Variants in CAPZB observed in about 807,000 individuals in gnomAD.
CAPZB encodes the protein capping actin protein of muscle Z-line subunit beta, also known as F-actin-capping protein subunit beta.
A neutral mutation model predicts 38.1 loss-of-function variants in CAPZB; 2 were observed. That is an observed-to-expected ratio of 0.05 (90% CI 0.02 to 0.17). The LOEUF is 0.17. CAPZB is among the 10% of genes least tolerant of loss of function. The pLI, the probability that CAPZB is intolerant of heterozygous loss-of-function variation, is 1.00. For synonymous variants in CAPZB, 107 were observed against 127.4 expected, an observed-to-expected ratio of 0.84 and a Z score of 1.08; for missense variants, 161 against 334.2, an observed-to-expected ratio of 0.48 and a Z score of 4.04.
At chr1:19,465,055 A>C (rs377339918) in intron 1 of CAPZB, among the ~76,000 whole-genome samples, 2 of 152,206 alleles carry the variant, frequency 1.3e-5, no homozygotes, top group Non-Finnish European at 2.9e-5. Flanking sequence ...CCTGATTAAA[A>C]ACAAAAAAAA....
At chr1:19,374,138 A>C (rs2094133249) in intron 4 of CAPZB, 1 of 152,404 alleles carries the variant, frequency 6.6e-6, no homozygotes, top group African/African-American at 2.4e-5. Context: ...GGCATGAGCC[A>C]GCAGGGTACG....
intron 1 of CAPZB, among the ~76,000 whole-genome samples, chr1:19,453,960 A>C (rs1034120593): frequency 6.6e-6 from 1 of 152,070 alleles, no homozygotes; most frequent in Non-Finnish European, 1.5e-5. Context: ...GCCACTTGGG[A>C]CTCACGCCCA....
intron 1 of CAPZB, among the ~76,000 whole-genome samples, chr1:19,444,212 G>A (rs913250775): frequency 6.6e-6 from 1 of 152,116 alleles, no homozygotes; most frequent in African/African-American, 2.4e-5. Context: ...TTCAGCAGGA[G>A]TGTCTCCCAT....
intron 3 of CAPZB, among the ~76,000 whole-genome samples, chr1:19,382,405 C>T (rs763280514): frequency 1.3e-5 from 2 of 152,080 alleles, no homozygotes; most frequent in East Asian, 1.9e-4. Context: ...CATTTCCCTC[C>T]GAGAAGGCTT....
At chr1:19,362,804 C>T (rs1489947708) in intron 4 of CAPZB, among the ~76,000 whole-genome samples, 1 of 152,116 alleles carries the variant, frequency 6.6e-6, no homozygotes, top group East Asian at 1.9e-4. Flanking sequence ...ATGCTCAAAT[C>T]AGAGCTCCCC....
At chr1:19,393,108 T>C (rs1460788856) in intron 2 of CAPZB, among the ~76,000 whole-genome samples, 2 of 152,206 alleles carry the variant, frequency 1.3e-5, no homozygotes, top group African/African-American at 2.4e-5. Context: ...GGACCCCAGT[T>C]TGTCATTAGG....
In CAPZB at chr1:19,419,514, C is replaced by A. The variant is rs117139190; in HGVS notation, c.93+147G>T. The A allele has an allele frequency of 7.5e-4, 447 of 599,698 alleles. 4 individuals are homozygous for A. The East Asian group carries it at 0.012, about 16-fold the overall frequency. 37.1% of individuals were successfully genotyped at this position (599,698 alleles called of 1,614,324 possible). ...CCATATGAAATCCATCTTCTCTCTG[C>A]CTGGAGGAATCTCATAGTCCAGTGG... On this transcript the variant is annotated intron_variant, in intron 2 of 8. Coordinates refer to ENST00000264202, the MANE Select transcript of CAPZB (RefSeq NM_004930.5).
intron 1 of CAPZB, among the ~76,000 whole-genome samples, chr1:19,483,185 C>A (rs1230651902): frequency 6.6e-6 from 1 of 151,528 alleles, no homozygotes; most frequent in African/African-American, 2.4e-5. Context: ...TACAAAGGAT[C>A]TAAAATACAA....
intron 1 of CAPZB, among the ~76,000 whole-genome samples, chr1:19,444,348 A>G (rs1381520284): frequency 3.3e-5 from 5 of 151,998 alleles, no homozygotes; most frequent in Admixed American, 6.6e-5. Context: ...CCCAGCTGCC[A>G]CCTCCCCACC....
intron 4 of CAPZB, among the ~76,000 whole-genome samples, chr1:19,364,767 G>A (rs779180850): frequency 7.9e-5 from 12 of 152,086 alleles, no homozygotes; most frequent in Non-Finnish European, 1.3e-4. Flanking sequence ...GACCAAATTA[G>A]CTTTCATTAG....
intron 2 of CAPZB, among the ~76,000 whole-genome samples, chr1:19,417,293 T>C (rs907137205): frequency 1.3e-5 from 2 of 152,240 alleles, no homozygotes; most frequent in African/African-American, 4.8e-5. Context: ...TTGCTCATCA[T>C]TTCCTACTTC....
chr1:19,448,602 A>G (rs1028291412), intron 1 of CAPZB, among the ~76,000 whole-genome samples: 1 of 152,168 alleles, frequency 6.6e-6, no homozygotes, highest in Non-Finnish European at 1.5e-5. Flanking sequence ...TTCTTATTCA[A>G]CTGCAGATGA....
intron 1 of CAPZB, among the ~76,000 whole-genome samples, chr1:19,436,151 A>C (rs777192319): frequency 6.6e-6 from 1 of 152,226 alleles, no homozygotes; most frequent in Non-Finnish European, 1.5e-5. Flanking sequence ...TGGTCTGAAA[A>C]TACTAAGTGG....
intron 2 of CAPZB, among the ~76,000 whole-genome samples, chr1:19,401,309 A>G (rs1196446868): frequency 6.6e-6 from 1 of 152,192 alleles, no homozygotes; most frequent in Non-Finnish European, 1.5e-5. Flanking sequence ...CACAAACACA[A>G]AAGGGCAAAG....
At chr1:19,385,356 G>C (rs962278693) in intron 3 of CAPZB, 149 bp downstream of exon 3, 10 of 754,944 alleles carry the variant, frequency 1.3e-5, no homozygotes, top group Middle Eastern at 3.9e-4. Context: ...GACAAGAGAA[G>C]AAAGGAGAGG....
At position 19,391,350 on chromosome 1, in the gene CAPZB, C is replaced by T. The variant is rs189933631; in HGVS notation, c.94-5724G>A. ...CTTTAAGAAGTGCACCCTTGTACCT[C>T]GGTTTTTTAAAAAATGGCCAAATGA... On this transcript the variant is annotated intron_variant, in intron 2 of 8. Coordinates refer to ENST00000264202, the MANE Select transcript of CAPZB (RefSeq NM_004930.5). 6.0e-4 allele frequency among the ~76,000 whole-genome samples: 92 copies of T among 152,304 alleles called. 1 individual carries two copies. In the Middle Eastern group the frequency reaches 0.01, roughly 17 times the overall value.
chr1:19,347,389 G>C (rs778504263), intron 6 of CAPZB, among the ~76,000 whole-genome samples: 1 of 152,066 alleles, frequency 6.6e-6, no homozygotes, highest in Non-Finnish European at 1.5e-5. Flanking sequence ...CATCCTTCTG[G>C]CAAGTTCCCA....
At chr1:19,349,420 C>A (rs941000949) in intron 6 of CAPZB, among the ~76,000 whole-genome samples, 2 of 152,014 alleles carry the variant, frequency 1.3e-5, no homozygotes, top group African/African-American at 2.4e-5. Flanking sequence ...TTCCCGGCCA[C>A]CCTAGGGAAG....
At chr1:19,468,349 C>T (rs2094575132) in intron 1 of CAPZB, among the ~76,000 whole-genome samples, 1 of 152,166 alleles carries the variant, frequency 6.6e-6, no homozygotes, top group Non-Finnish European at 1.5e-5. Context: ...GGGCTCCCTC[C>T]TGATGGGGAG....
Sources: gnomAD v4.1 joint callset for allele counts (sites outside exome capture counted in the v4.1 genomes callset) on GRCh38, gnomAD v4.1.1 for gene constraint, MANE v1.5 for transcripts, NCBI Gene and HGNC (gene_info 2026-07-23, HGNC 2026-07-21) for gene names.